TNFSF4: variants seen among roughly 807,000 people sequenced by gnomAD.
TNFSF4 encodes tumor necrosis factor ligand superfamily member 4.
TNFSF4 carries 4 observed loss-of-function variants against 7.3 expected under a neutral mutation model. That is an observed-to-expected ratio of 0.55 (90% CI 0.27 to 1.25). The LOEUF is 1.25. TNFSF4 is among the 50% of genes most tolerant of loss of function. The pLI, the probability that TNFSF4 is intolerant of heterozygous loss-of-function variation, is 0.12. For missense variants in TNFSF4, 181 were observed against 208.8 expected, an observed-to-expected ratio of 0.87 and a Z score of 0.82; for synonymous variants, 76 against 83.7, an observed-to-expected ratio of 0.91 and a Z score of 0.50.
At chr1:173,360,997 G>A in the TNFSF4 span, among the ~76,000 whole-genome samples, 1 of 152,086 alleles carries the variant, frequency 6.6e-6, no homozygotes, top group South Asian at 2.1e-4. Flanking sequence ...CTAACCATGG[G>A]GCAACAGTCC....
chr1:173,311,590 G>T, the TNFSF4 span, among the ~76,000 whole-genome samples: 1 of 152,062 alleles, frequency 6.6e-6, no homozygotes, highest in East Asian at 1.9e-4. Flanking sequence ...GAACTGGGAA[G>T]CCACCCTCTA....
the TNFSF4 span, among the ~76,000 whole-genome samples, chr1:173,436,606 C>T: frequency 6.6e-6 from 1 of 152,106 alleles, no homozygotes; most frequent in Admixed American, 6.6e-5. Context: ...GGTGGGGTTT[C>T]ACCATCTTGG....
At chr1:173,315,812 A>G in the TNFSF4 span, among the ~76,000 whole-genome samples, 24 of 152,156 alleles carry the variant, frequency 1.6e-4, no homozygotes, top group South Asian at 1.5e-3. Flanking sequence ...TAACAGATAC[A>G]TAGTTTGCAA....
chr1:173,186,400 C>A lies in TNFSF4; in HGVS notation c.*116G>T. 1 of 806,960 alleles carries A rather than the reference C, an allele frequency of 1.2e-6. No individual in the cohort carries two copies. Among genetic ancestry groups the A allele is most frequent in the Non-Finnish European group, 1.9e-6 (1 of 516,388 alleles). 50.0% of individuals were successfully genotyped at this position (806,960 alleles called of 1,614,324 possible). ...GAGGGCCAGGATCTGCTTCTTGTCA[C>A]ATCCCACGTGGCTGAGCTGGGAGGC... On this transcript the variant is annotated 3_prime_UTR_variant, in exon 3 of 3. Transcript: ENST00000281834.
the TNFSF4 span, chr1:173,363,587 T>C: frequency 4.0e-6 from 2 of 497,548 alleles, no homozygotes; most frequent in Admixed American, 4.3e-5. Context: ...GTAGGCTTAT[T>C]TGGGGAGTGT....
chr1:173,352,453 G>T, the TNFSF4 span, among the ~76,000 whole-genome samples: 1 of 152,274 alleles, frequency 6.6e-6, no homozygotes, highest in Admixed American at 6.5e-5. Flanking sequence ...AAATTTTAAA[G>T]CTGGGTGTCC....
the TNFSF4 span, among the ~76,000 whole-genome samples, chr1:173,395,377 AATATATATATATATATATATATATAT>A: frequency 7.0e-4 from 44 of 63,234 alleles, 2 homozygotes; most frequent in South Asian, 1.0e-3. Flanking sequence ...CTGTGTATAT[AATATATATATATATATATATATATAT>A]ATATATATAT....
At chr1:173,179,460 T>G (rs1466910513), downstream of TNFSF4, among the ~76,000 whole-genome samples, 2 of 152,204 alleles carry the variant, frequency 1.3e-5, no homozygotes, top group African/African-American at 4.8e-5. Flanking sequence ...CTAACTTGTG[T>G]TAGTACAAAC....
the TNFSF4 span, among the ~76,000 whole-genome samples, chr1:173,379,455 C>T: frequency 1.3e-5 from 2 of 152,150 alleles, no homozygotes; most frequent in African/African-American, 4.8e-5. Flanking sequence ...CTTCTGCCTC[C>T]CTCAAGTGGC....
the TNFSF4 span, among the ~76,000 whole-genome samples, chr1:173,322,515 A>G: frequency 6.6e-6 from 1 of 152,064 alleles, no homozygotes; most frequent in Non-Finnish European, 1.5e-5. Flanking sequence ...GGTTCATCTC[A>G]CTGGGGAGTG....
the TNFSF4 span, among the ~76,000 whole-genome samples, chr1:173,447,276 A>G: frequency 1.3e-5 from 2 of 152,200 alleles, no homozygotes; most frequent in Non-Finnish European, 2.9e-5. Flanking sequence ...TTTTTACAGC[A>G]GTGAAACTAT....
chr1:173,234,753 T>C, the TNFSF4 span, among the ~76,000 whole-genome samples: 8 of 151,872 alleles, frequency 5.3e-5, 1 homozygote, highest in Admixed American at 3.9e-4. Flanking sequence ...ATGAGAACAC[T>C]TGGACACAGG....
the TNFSF4 span, among the ~76,000 whole-genome samples, chr1:173,395,288 T>A: frequency 6.7e-6 from 1 of 148,684 alleles, no homozygotes; most frequent in Non-Finnish European, 1.5e-5. Context: ...CATGGCATAC[T>A]CTGGCAATAG....
the TNFSF4 span, among the ~76,000 whole-genome samples, chr1:173,378,877 TC>T: frequency 2.4e-4 from 32 of 131,750 alleles, no homozygotes; most frequent in African/African-American, 7.5e-4. Flanking sequence ...AGAACCCCCC[TC>T]CCCCCCCACC....
chr1:173,430,832 C>T, the TNFSF4 span, among the ~76,000 whole-genome samples: 4 of 152,314 alleles, frequency 2.6e-5, no homozygotes, highest in East Asian at 7.7e-4. Flanking sequence ...GACACTCTTC[C>T]TCCAGTGCCC....
the TNFSF4 span, among the ~76,000 whole-genome samples, chr1:173,280,920 C>T: frequency 6.6e-3 from 1,008 of 152,212 alleles, 9 homozygotes; most frequent in African/African-American, 0.019. Flanking sequence ...GGGCAATAAC[C>T]TACTTTCCAA....
At chr1:173,342,775 G>C in the TNFSF4 span, among the ~76,000 whole-genome samples, 1 of 152,166 alleles carries the variant, frequency 6.6e-6, no homozygotes, top group African/African-American at 2.4e-5. Flanking sequence ...CGGGAACCAG[G>C]AAGTCCATAG....
the TNFSF4 span, among the ~76,000 whole-genome samples, chr1:173,364,461 T>G: frequency 6.6e-6 from 1 of 150,702 alleles, no homozygotes; most frequent in African/African-American, 2.4e-5. Context: ...ATAGAAAAAG[T>G]GTGAAGAAAA....
the TNFSF4 span, among the ~76,000 whole-genome samples, chr1:173,306,193 C>T: frequency 3.3e-5 from 5 of 151,746 alleles, no homozygotes; most frequent in Non-Finnish European, 7.4e-5. Context: ...TCAATAGCAT[C>T]GAAGACTCGA....
Sources: gnomAD v4.1 joint callset for allele counts (sites outside exome capture counted in the v4.1 genomes callset) on GRCh38, gnomAD v4.1.1 for gene constraint, MANE v1.5 for transcripts, NCBI Gene and HGNC (gene_info 2026-07-23, HGNC 2026-07-21) for gene names.